Variants in ERC1 observed in about 807,000 individuals in gnomAD.
The protein encoded by ERC1 is RAB6 interacting protein 2.
Under a neutral mutation model 132.0 loss-of-function variants are expected in ERC1, and 56 were observed. The ratio of observed to expected loss-of-function variants is 0.42; its 90% CI spans 0.34 to 0.53. The LOEUF (loss-of-function observed/expected upper bound fraction) is 0.53, where lower values mean the gene tolerates loss of function less well. Among genes scored for constraint, ERC1 ranks in the 20% least tolerant of loss-of-function variants. The probability of loss-of-function intolerance (pLI) is 0.03; values close to 1 mark genes in which losing one functional copy is unlikely to be tolerated. For synonymous variants in ERC1, 478 were observed against 476.1 expected, an observed-to-expected ratio of 1.00 and a Z score of -0.05; for missense variants, 1,202 against 1,349.9, an observed-to-expected ratio of 0.89 and a Z score of 1.72.
At chr12:1,070,608 A>G (rs1940168850) in intron 2 of ERC1, among the ~76,000 whole-genome samples, 3 of 152,108 alleles carry the variant, frequency 2.0e-5, no homozygotes, top group Admixed American at 2.0e-4. Context: ...TTCTAATCCA[A>G]GTCATTCCTA....
chr12:1,237,898 T>G (rs746999737), intron 13 of ERC1, among the ~76,000 whole-genome samples: 1 of 152,216 alleles, frequency 6.6e-6, no homozygotes, highest in Non-Finnish European at 1.5e-5. Flanking sequence ...AATTACAATC[T>G]TTACTGGAGA....
chr12:1,143,183 C>T (rs1391996804), intron 8 of ERC1, among the ~76,000 whole-genome samples: 1 of 152,088 alleles, frequency 6.6e-6, no homozygotes, highest in Non-Finnish European at 1.5e-5. Context: ...GGATTACAGG[C>T]GTGAGCCACT....
intron 12 of ERC1, 26 bp downstream of exon 12, chr12:1,190,078 T>C: frequency 6.3e-7 from 1 of 1,577,968 alleles, no homozygotes; most frequent in Non-Finnish European, 8.7e-7. Flanking sequence ...TGATTGGGGC[T>C]TATGAGGTTA....
At chr12:1,256,565 C>T (rs1295158439) in intron 13 of ERC1, among the ~76,000 whole-genome samples, 1 of 150,550 alleles carries the variant, frequency 6.6e-6, no homozygotes, top group African/African-American at 2.5e-5. Flanking sequence ...GATGATTGGC[C>T]TATCACTGAG....
chr12:1,263,876 G>A (rs1009971029), intron 14 of ERC1, among the ~76,000 whole-genome samples: 11 of 152,008 alleles, frequency 7.2e-5, no homozygotes, highest in African/African-American at 2.4e-4. Flanking sequence ...TTTTAGTAAA[G>A]TTGGGGTTTC....
chr12:1,262,873 C>A (rs1318568899), intron 13 of ERC1, among the ~76,000 whole-genome samples, 161 bp from the exon 14 acceptor site: 1 of 152,194 alleles, frequency 6.6e-6, no homozygotes, highest in Non-Finnish European at 1.5e-5. Flanking sequence ...TCTTTCCTTT[C>A]CTTGCTTTCT....
chr12:1,233,816 AG>A (rs1437422326), intron 12 of ERC1, among the ~76,000 whole-genome samples: 10 of 152,194 alleles, frequency 6.6e-5, no homozygotes, highest in African/African-American at 1.7e-4. Flanking sequence ...AGGGATTTGA[AG>A]GATCTGACAA....
chr12:1,202,935 C>T (rs986527083), intron 12 of ERC1, among the ~76,000 whole-genome samples: 2 of 152,168 alleles, frequency 1.3e-5, no homozygotes, highest in Non-Finnish European at 2.9e-5. Flanking sequence ...CTTCTTTCTG[C>T]CTTTGAACAT....
intron 2 of ERC1, among the ~76,000 whole-genome samples, chr12:1,040,324 C>CTTTTTTTTTTTTTTTTTTTTT (rs956609769): frequency 3.6e-5 from 5 of 138,072 alleles, no homozygotes; most frequent in Non-Finnish European, 6.3e-5. Flanking sequence ...TTTCTTTTTT[C>CTTTTTTTTTTTTTTTTTTTTT]TTTTTTTTTT....
At chr12:995,523 A>ATG (rs1438959870) in intron 1 of ERC1, among the ~76,000 whole-genome samples, 3 of 152,188 alleles carry the variant, frequency 2.0e-5, no homozygotes, top group African/African-American at 7.2e-5. Flanking sequence ...TTCATGGAGC[A>ATG]TGTTTGTGGA....
At chr12:1,286,637 AAAAG>A (rs1269659102) in intron 14 of ERC1, among the ~76,000 whole-genome samples, 1 of 152,162 alleles carries the variant, frequency 6.6e-6, no homozygotes, top group Admixed American at 6.5e-5. Flanking sequence ...GAATTACAAG[AAAAG>A]AAAGAAAACT....
Position 1,495,035 on chromosome 12 carries a change from AT to A in ERC1, c.*4809del. ...CTCAGAGCCTCGCAGTTGTGCCAGG[AT>A]TTTCCTATACATGTTCAGGACCTCT... On this transcript the variant is annotated 3_prime_UTR_variant, in exon 19 of 19. Transcript: ENST00000360905. The A allele has an allele frequency of 4.4e-6, 1 of 228,910 alleles. No individual in the cohort carries two copies. The highest frequency in any genetic ancestry group is 8.7e-6 in the Non-Finnish European group (1 of 115,398). The allele number at this position is 228,910 out of a possible 1,614,324, so 14.2% of individuals were successfully genotyped here. A position where few individuals can be genotyped will look rare whatever the true frequency, so the allele number is the denominator to read the frequency against.
intron 18 of ERC1, among the ~76,000 whole-genome samples, chr12:1,448,870 C>T (rs1037552200): frequency 6.6e-6 from 1 of 152,224 alleles, no homozygotes; most frequent in African/African-American, 2.4e-5. Context: ...CTGGTTTGCA[C>T]CTTGCGCCGG....
At chr12:1,479,156 G>T (rs942892795) in intron 18 of ERC1, among the ~76,000 whole-genome samples, 1 of 152,010 alleles carries the variant, frequency 6.6e-6, no homozygotes, top group Non-Finnish European at 1.5e-5. Flanking sequence ...GTCTGCTCTC[G>T]TGCCAGTGCT....
rs538917333 is a variant in ERC1 at position 1,033,870 on chromosome 12, T to A, written c.669+5298T>A. On this transcript the variant is annotated intron_variant, in intron 2 of 18. Transcript: ENST00000360905. Reference sequence around the variant, plus strand: ...GTCTCGAACTCCTGACCTCAGGTGATCTGCCCGCCTCAACCTCCCAAAGTG... The same window carrying A: ...GTCTCGAACTCCTGACCTCAGGTGAACTGCCCGCCTCAACCTCCCAAAGTG... Among the ~76,000 whole-genome samples the A allele has an allele frequency of 1.5e-3, 235 of 152,330 alleles. 1 individual carries two copies. The highest frequency in any genetic ancestry group is 2.2e-3 in the Non-Finnish European group (152 of 68,022).
At chr12:1,060,712 A>G (rs1364888089) in intron 2 of ERC1, among the ~76,000 whole-genome samples, 1 of 141,038 alleles carries the variant, frequency 7.1e-6, no homozygotes, top group Non-Finnish European at 1.5e-5. Context: ...GGTCCTTCAC[A>G]TAACGTGGGA....
At chr12:1,158,058 A>G (rs1232316570) in intron 8 of ERC1, among the ~76,000 whole-genome samples, 1 of 152,262 alleles carries the variant, frequency 6.6e-6, no homozygotes, top group Admixed American at 6.5e-5. Flanking sequence ...CTATATGTCC[A>G]GTAGAGTGGG....
intron 12 of ERC1, among the ~76,000 whole-genome samples, chr12:1,231,744 G>A (rs1465933161): frequency 6.6e-6 from 1 of 151,648 alleles, no homozygotes; most frequent in African/African-American, 2.4e-5. Flanking sequence ...GAGAAGTAAA[G>A]CAATTTTTTT....
chr12:1,001,777 A>C (rs1360942268), intron 1 of ERC1, among the ~76,000 whole-genome samples: 2 of 150,040 alleles, frequency 1.3e-5, no homozygotes, highest in Non-Finnish European at 3.0e-5. Flanking sequence ...AGTTTATTGT[A>C]TTATTGATGG....
Sources: allele counts gnomAD v4.1 joint callset (sites outside exome capture counted in the v4.1 genomes callset), GRCh38; gene constraint gnomAD v4.1.1; transcripts MANE v1.5; gene names NCBI Gene and HGNC (gene_info 2026-07-23, HGNC 2026-07-21).